FOXP2: variants seen among roughly 807,000 people sequenced by gnomAD.
FOXP2 encodes the protein forkhead box protein P2.
A neutral mutation model predicts 115.8 loss-of-function variants in FOXP2; 12 were observed. The observed-to-expected ratio is 0.10, with a 90% confidence interval of 0.07 to 0.17. The LOEUF (loss-of-function observed/expected upper bound fraction) is 0.17. Among genes scored for constraint, FOXP2 ranks in the 10% least tolerant of loss-of-function variants. The pLI is 1.00. For missense variants in FOXP2, 629 were observed against 843.5 expected (o/e 0.75, Z 3.15); for synonymous variants, 328 against 297.7 (o/e 1.10, Z -1.05).
intron 2 of FOXP2, among the ~76,000 whole-genome samples, chr7:114,474,201 A>G (rs1363719609): frequency 1.3e-5 from 2 of 152,226 alleles, no homozygotes; most frequent in African/African-American, 4.8e-5. Flanking sequence ...AGAACAACAG[A>G]ATAGCAAAGT....
intron 1 of FOXP2, among the ~76,000 whole-genome samples, chr7:114,220,078 C>A (rs1274520078): frequency 6.7e-6 from 1 of 150,316 alleles, no homozygotes; most frequent in East Asian, 1.9e-4. Context: ...ACCATGTTGG[C>A]CAGGATGGAC....
chr7:114,628,439 T>A, intron 3 of FOXP2, 101 bp from the exon 4 acceptor site: 1 of 1,483,218 alleles, frequency 6.7e-7, no homozygotes, highest in Non-Finnish European at 9.3e-7. Context: ...TGATCATCAA[T>A]GCTAAAGAAT....
intron 2 of FOXP2, among the ~76,000 whole-genome samples, chr7:114,377,570 A>T (rs958136441): frequency 6.1e-4 from 93 of 152,238 alleles, no homozygotes; most frequent in Non-Finnish European, 1.2e-4. Context: ...TGCCAAGAAC[A>T]TATCTCCATT....
At chr7:114,676,075 ATTTTT>A (rs11327459) in intron 16 of FOXP2, among the ~76,000 whole-genome samples, 6 of 89,562 alleles carry the variant, frequency 6.7e-5, no homozygotes, top group African/African-American at 2.5e-4. Flanking sequence ...AGGCCCGGCT[ATTTTT>A]TTTTTTTTTT....
chr7:114,673,040 G>A (rs529342400), intron 16 of FOXP2, among the ~76,000 whole-genome samples: 3 of 152,250 alleles, frequency 2.0e-5, no homozygotes, highest in South Asian at 2.1e-4. Flanking sequence ...CATACACCCC[G>A]TATACTCATA....
At chr7:114,546,293 C>T (rs1799920558) in intron 3 of FOXP2, among the ~76,000 whole-genome samples, 1 of 152,170 alleles carries the variant, frequency 6.6e-6, no homozygotes, top group Non-Finnish European at 1.5e-5. Context: ...CTGTTAGTGT[C>T]GTATTCCTCT....
chr7:114,115,014 T>G (rs943268925), intron 1 of FOXP2, among the ~76,000 whole-genome samples: 1 of 152,188 alleles, frequency 6.6e-6, no homozygotes, highest in Admixed American at 6.5e-5. Flanking sequence ...CATTTTTTTT[T>G]TGTTTTGAAT....
chr7:114,277,882 G>A (rs960160890), intron 1 of FOXP2, among the ~76,000 whole-genome samples: 1 of 151,902 alleles, frequency 6.6e-6, no homozygotes, highest in Non-Finnish European at 1.5e-5. Flanking sequence ...TAAAAAATTA[G>A]CTGAGCATGG....
chr7:114,654,018 A>G lies in FOXP2; in HGVS notation c.1266+9A>G, dbSNP rs1369873314. On this transcript the variant is annotated intron_variant, in intron 10 of 16. Transcript: ENST00000350908. ...AACCATCTCCCAAACCTGTAAGTGC[A>G]TATTGCTTTATAAACAGTAAATAGC... The G allele has an allele frequency of 1.1e-5, 17 of 1,613,106 alleles. No individual in the cohort carries two copies. In the East Asian group the frequency reaches 1.8e-4, roughly 17 times the overall value.
At chr7:114,121,683 A>G (rs1159732668) in intron 1 of FOXP2, among the ~76,000 whole-genome samples, 1 of 152,136 alleles carries the variant, frequency 6.6e-6, no homozygotes, top group Admixed American at 6.6e-5. Context: ...CATAGTGTTG[A>G]AAGATTGAGA....
chr7:114,688,208 T>TACACGCAC (rs1808467845), intron 16 of FOXP2, among the ~76,000 whole-genome samples: 1 of 115,334 alleles, frequency 8.7e-6, no homozygotes, highest in African/African-American at 3.4e-5. Context: ...CATACATGCA[T>TACACGCAC]ACACACACAC....
At chr7:114,652,603 G>A (rs759012125) in intron 9 of FOXP2, among the ~76,000 whole-genome samples, 1 of 152,068 alleles carries the variant, frequency 6.6e-6, no homozygotes, top group Non-Finnish European at 1.5e-5. Context: ...AATTAGATAT[G>A]ATTTTATTAC....
At chr7:114,470,884 T>G (rs1351616512) in intron 2 of FOXP2, among the ~76,000 whole-genome samples, 1 of 152,136 alleles carries the variant, frequency 6.6e-6, no homozygotes, top group Non-Finnish European at 1.5e-5. Context: ...TTCCTTAAAC[T>G]GGACCTGAAG....
chr7:114,645,460 T>A (rs1805835859), intron 8 of FOXP2: 1 of 151,888 alleles, frequency 6.6e-6, no homozygotes, highest in South Asian at 2.1e-4. Context: ...ATTTTATTTT[T>A]AAAAAAATCA....
intron 3 of FOXP2, among the ~76,000 whole-genome samples, chr7:114,600,245 A>G (rs1017128590): frequency 6.6e-6 from 1 of 152,184 alleles, no homozygotes. Context: ...TGCCTTTTCC[A>G]GAATGTCTTA....
At chr7:114,241,201 A>G (rs1039285679) in intron 1 of FOXP2, among the ~76,000 whole-genome samples, 1 of 152,138 alleles carries the variant, frequency 6.6e-6, no homozygotes, top group Non-Finnish European at 1.5e-5. Context: ...AAGATAAAAC[A>G]TATAAAAAAT....
chr7:114,179,910 C>G (rs1216512555), intron 1 of FOXP2, among the ~76,000 whole-genome samples: 3 of 151,924 alleles, frequency 2.0e-5, no homozygotes, highest in Non-Finnish European at 4.4e-5. Context: ...TTTTTCTGGA[C>G]TGTAACTCCT....
chr7:114,659,476 C>G, intron 12 of FOXP2, 44 bp downstream of exon 12: 1 of 1,589,870 alleles, frequency 6.3e-7, no homozygotes, highest in Admixed American at 1.7e-5. Flanking sequence ...AATTAAAATT[C>G]ATTAATGCTT....
chr7:114,397,222 T>C (rs992709598), intron 2 of FOXP2, among the ~76,000 whole-genome samples: 4 of 152,140 alleles, frequency 2.6e-5, no homozygotes, highest in Non-Finnish European at 5.9e-5. Context: ...GAGATTTTTA[T>C]ATATGAAAAA....
Sources: gnomAD v4.1 joint callset for allele counts (sites outside exome capture counted in the v4.1 genomes callset) on GRCh38, gnomAD v4.1.1 for gene constraint, MANE v1.5 for transcripts, NCBI Gene and HGNC (gene_info 2026-07-23, HGNC 2026-07-21) for gene names.